KCNN2: variants seen among roughly 807,000 people sequenced by gnomAD.
KCNN2 encodes the protein potassium calcium-activated channel subfamily N member 2.
Under a neutral mutation model 55.5 loss-of-function variants are expected in KCNN2, and 24 were observed. That is an observed-to-expected ratio of 0.43 (90% CI 0.31 to 0.61). The LOEUF (loss-of-function observed/expected upper bound fraction) is 0.61. Among genes scored for constraint, KCNN2 ranks in the 20% least tolerant of loss-of-function variants. KCNN2 has a pLI of 0.08. For synonymous variants in KCNN2, 431 were observed against 336.1 expected (o/e 1.28, Z -3.09); for missense variants, 754 against 853.6 (o/e 0.88, Z 1.45).
rs1751554499 is a variant in KCNN2, at chr5:114,109,617, A to G, written c.-271+53117A>G. On this transcript the variant is annotated intron_variant, in intron 1 of 10. Coordinates refer to the KCNN2 transcript ENST00000512097. The stretch of plus-strand genomic sequence containing the variant: ...CCGAATATGACCAAATAAATGTAAT[A>G]GGGTGGGACAAATTGGGAGAACTCA... Among the ~76,000 whole-genome samples the G allele has an allele frequency of 3.3e-5, 5 of 152,230 alleles. No homozygotes were observed. In the South Asian group the frequency reaches 1.0e-3, roughly 32 times the overall value.
At chr5:114,490,004 C>G (rs987607000) in intron 6 of KCNN2, among the ~76,000 whole-genome samples, 20 of 152,192 alleles carry the variant, frequency 1.3e-4, no homozygotes, top group African/African-American at 4.8e-4. Flanking sequence ...TTCATAGCCT[C>G]TCTACTCTGT....
rs529700988 is a variant in KCNN2 at position 114,075,681 on chromosome 5, C to G, written c.-271+19181C>G. On this transcript the variant is annotated intron_variant, in intron 1 of 10. Transcript: ENST00000512097. The stretch of plus-strand genomic sequence containing the variant: ...TATTATCAAGAGGTAGGGCCCATGT[C>G]CTTATTCCTTGAATCTGGTTTGACC... 8.5e-5 allele frequency among the ~76,000 whole-genome samples: 13 copies of G among 152,164 alleles called. No individual in the cohort carries two copies. In the South Asian group the frequency reaches 2.5e-3, roughly 29 times the overall value.
At chr5:114,075,335 C>G (rs189803528) in intron 1 of KCNN2, among the ~76,000 whole-genome samples, 1 of 152,174 alleles carries the variant, frequency 6.6e-6, no homozygotes, top group Non-Finnish European at 1.5e-5. Flanking sequence ...TGAGGAATTC[C>G]CTAAATTAGC....
At chr5:114,469,671 G>A (rs537170001) in intron 4 of KCNN2, among the ~76,000 whole-genome samples, 27 of 152,226 alleles carry the variant, frequency 1.8e-4, no homozygotes, top group African/African-American at 6.5e-4. Flanking sequence ...TTTATGAAAC[G>A]GAATCGTCCT....
intron 2 of KCNN2, among the ~76,000 whole-genome samples, chr5:114,384,066 A>G (rs935272149): frequency 2.0e-5 from 3 of 152,178 alleles, no homozygotes; most frequent in South Asian, 4.1e-4. Context: ...TGTGACTTCA[A>G]AGGTTCTTTT....
At chr5:114,346,920 C>T (rs1267996987) in intron 2 of KCNN2, among the ~76,000 whole-genome samples, 3 of 152,094 alleles carry the variant, frequency 2.0e-5, no homozygotes, top group Non-Finnish European at 2.9e-5. Flanking sequence ...CAAAAGGACA[C>T]AGGGGCCAAC....
intron 1 of KCNN2, among the ~76,000 whole-genome samples, chr5:114,174,958 G>A (rs1223947372): frequency 6.6e-6 from 1 of 152,096 alleles, no homozygotes; most frequent in Non-Finnish European, 1.5e-5. Context: ...CTCCCTTCAG[G>A]AAATAACTAA....
At chr5:114,490,813 T>C (rs759334472) in intron 6 of KCNN2, 65 of 397,508 alleles carry the variant, frequency 1.6e-4, no homozygotes, top group Non-Finnish European at 2.5e-4. Flanking sequence ...TATGGAAATG[T>C]GATCCAAAAT....
At chr5:114,282,305 A>C (rs942249062) in intron 2 of KCNN2, among the ~76,000 whole-genome samples, 9 of 152,126 alleles carry the variant, frequency 5.9e-5, no homozygotes, top group Non-Finnish European at 1.3e-4. Context: ...GAATCTAGGC[A>C]TCTATGTTTT....
intron 3 of KCNN2, among the ~76,000 whole-genome samples, chr5:114,456,273 T>C (rs1333735862): frequency 1.3e-5 from 2 of 152,204 alleles, no homozygotes; most frequent in East Asian, 3.9e-4. Flanking sequence ...TTAAGAATTA[T>C]ACTAAATCTA....
At chr5:114,423,939 G>A (rs373084099) in intron 3 of KCNN2, among the ~76,000 whole-genome samples, 2 of 152,278 alleles carry the variant, frequency 1.3e-5, no homozygotes, top group South Asian at 4.1e-4. Flanking sequence ...GGGCAGTTTC[G>A]AGGGTCAGAG....
chr5:114,399,189 TTGC>T (rs1437023722), intron 2 of KCNN2, among the ~76,000 whole-genome samples: 1 of 152,210 alleles, frequency 6.6e-6, no homozygotes, highest in Non-Finnish European at 1.5e-5. Context: ...TTGTCATAGA[TTGC>T]TCTTATTATT....
At chr5:114,246,363 G>T (rs868351276) in intron 2 of KCNN2, among the ~76,000 whole-genome samples, 1 of 152,150 alleles carries the variant, frequency 6.6e-6, no homozygotes, top group Admixed American at 6.5e-5. Flanking sequence ...TTTATGTAGA[G>T]AAACCATTAT....
chr5:114,180,169 A>G (rs1753211997), intron 1 of KCNN2, among the ~76,000 whole-genome samples: 1 of 152,176 alleles, frequency 6.6e-6, no homozygotes, highest in African/African-American at 2.4e-5. Context: ...CAAATTCTTC[A>G]TACTTGGGCT....
chr5:114,381,809 A>G (rs1256164718), intron 2 of KCNN2, among the ~76,000 whole-genome samples: 1 of 152,090 alleles, frequency 6.6e-6, no homozygotes, highest in Non-Finnish European at 1.5e-5. Context: ...ACAGTTACAG[A>G]TCTTTTTGCT....
chr5:114,410,761 T>C (rs1759106465), intron 3 of KCNN2, among the ~76,000 whole-genome samples: 1 of 152,086 alleles, frequency 6.6e-6, no homozygotes. Context: ...ATATAATAAA[T>C]TGGAGATTCC....
At chr5:114,101,868 A>G (rs1430711491) in intron 1 of KCNN2, among the ~76,000 whole-genome samples, 1 of 152,086 alleles carries the variant, frequency 6.6e-6, no homozygotes, top group Non-Finnish European at 1.5e-5. Flanking sequence ...AGTCTTTGCT[A>G]TTGTGAGTAG....
chr5:114,312,434 C>CATATAT (rs59964515), intron 2 of KCNN2, among the ~76,000 whole-genome samples: 32 of 23,388 alleles, frequency 1.4e-3, no homozygotes, highest in South Asian at 2.0e-3. Flanking sequence ...CACACACACA[C>CATATAT]ATATATATAT....
At chr5:114,164,277 A>G (rs1468190107) in intron 1 of KCNN2, among the ~76,000 whole-genome samples, 3 of 152,202 alleles carry the variant, frequency 2.0e-5, no homozygotes, top group African/African-American at 7.2e-5. Flanking sequence ...TAAGGTAAGA[A>G]GTACTTGTAC....
Sources: allele counts gnomAD v4.1 joint callset (sites outside exome capture counted in the v4.1 genomes callset), GRCh38; gene constraint gnomAD v4.1.1; transcripts MANE v1.5; gene names NCBI Gene and HGNC (gene_info 2026-07-23, HGNC 2026-07-21).